The following LMX1B variants were observed in gnomAD, a reference collection of about 807,000 sequenced individuals.
LMX1B encodes LIM homeobox transcription factor 1 beta, also known as LIM homeobox transcription factor 1-beta.
A neutral mutation model predicts 51.4 loss-of-function variants in LMX1B; 12 were observed. That is an observed-to-expected ratio of 0.23 (90% CI 0.15 to 0.38). LMX1B has a LOEUF of 0.38. LMX1B is among the 10% of genes least tolerant of loss of function. The probability of loss-of-function intolerance (pLI) is 1.00; values close to 1 mark genes in which losing one functional copy is unlikely to be tolerated. For missense variants in LMX1B, 445 were observed against 571.1 expected (o/e 0.78, Z 2.25); for synonymous variants, 237 against 235.4 (o/e 1.01, Z -0.06).
At chr9:126,665,217 T>TG (rs1836319382) in intron 2 of LMX1B, among the ~76,000 whole-genome samples, 1 of 152,090 alleles carries the variant, frequency 6.6e-6, no homozygotes, top group Admixed American at 6.5e-5. Flanking sequence ...GCTGAGCCGG[T>TG]CCCCCTCCTC....
chr9:126,688,091 G>A (rs2029976599), intron 2 of LMX1B, among the ~76,000 whole-genome samples: 1 of 152,232 alleles, frequency 6.6e-6, no homozygotes, highest in African/African-American at 2.4e-5. Flanking sequence ...AGTGCGCGCA[G>A]TTTGTTTTAT....
chr9:126,693,676 C>T, intron 5 of LMX1B, 70 bp from the exon 6 acceptor site: 6 of 1,598,168 alleles, frequency 3.8e-6, no homozygotes, highest in Non-Finnish European at 5.1e-6. Context: ...GACTACGGTC[C>T]AGGGGGCGTG....
chr9:126,680,053 A>T (rs995880356), intron 2 of LMX1B, among the ~76,000 whole-genome samples: 1 of 152,190 alleles, frequency 6.6e-6, no homozygotes, highest in Non-Finnish European at 1.5e-5. Context: ...CCGGAGAGAA[A>T]TCCAAAGGCC....
intron 2 of LMX1B, among the ~76,000 whole-genome samples, chr9:126,627,013 G>A (rs1485192022): frequency 6.6e-6 from 1 of 152,228 alleles, no homozygotes; most frequent in Non-Finnish European, 1.5e-5. Flanking sequence ...GCATTGATAA[G>A]GGTCTGGACG....
intron 2 of LMX1B, among the ~76,000 whole-genome samples, chr9:126,660,407 G>A (rs183822991): frequency 6.6e-6 from 1 of 152,266 alleles, no homozygotes; most frequent in Non-Finnish European, 1.5e-5. Flanking sequence ...GCTTGGAGCT[G>A]CCCAAGAAGT....
intron 2 of LMX1B, among the ~76,000 whole-genome samples, chr9:126,637,979 G>A (rs187032718): frequency 2.4e-4 from 36 of 152,156 alleles, no homozygotes; most frequent in African/African-American, 5.5e-4. Flanking sequence ...CCGAGAGGAC[G>A]CACAATCCCC....
intron 2 of LMX1B, among the ~76,000 whole-genome samples, chr9:126,656,625 G>A (rs140980782): frequency 6.6e-6 from 1 of 152,328 alleles, no homozygotes; most frequent in Non-Finnish European, 1.5e-5. Flanking sequence ...GGGCAGTGGT[G>A]TGTTCCTCCT....
Position 126,615,693 on chromosome 9 carries a change from A to C in LMX1B, c.326+124A>C. 1.2e-6 allele frequency: 1 copy of C among 861,240 alleles called. No individual in the cohort carries two copies. Among genetic ancestry groups the C allele is most frequent in the Non-Finnish European group, 1.7e-6 (1 of 597,292 alleles). 53.3% of individuals were successfully genotyped at this position (861,240 alleles called of 1,614,324 possible). A position where few individuals can be genotyped will look rare whatever the true frequency, so the allele number is the denominator to read the frequency against. Reference sequence around the variant, plus strand: ...GTGCGCGGCTGGGCCGGGCAGCTCCAAGGGTTCCGAGAGCTGCGCGTCTTG... The same window carrying C: ...GTGCGCGGCTGGGCCGGGCAGCTCCCAGGGTTCCGAGAGCTGCGCGTCTTG... On this transcript the variant is annotated intron_variant, in intron 2 of 7. Transcript: ENST00000373474. This position sits in a 1 kb window ranked among gnomAD's most constrained non-coding sequence, Gnocchi z 6.0.
intron 2 of LMX1B, among the ~76,000 whole-genome samples, chr9:126,688,714 G>T (rs964498722): frequency 1.3e-5 from 2 of 152,218 alleles, no homozygotes; most frequent in Non-Finnish European, 2.9e-5. Flanking sequence ...CCAAATTAGA[G>T]CCAAAATCCA....
chr9:126,679,475 G>C (rs10987404), intron 2 of LMX1B, among the ~76,000 whole-genome samples: 34,915 of 151,334 alleles, frequency 0.23, 4,962 homozygotes, highest in Middle Eastern at 0.38. Flanking sequence ...GTGGATGTTT[G>C]TATGGGTGGA....
Position 126,695,798 on chromosome 9 carries a change from C to T in LMX1B, c.887-41C>T, listed in dbSNP as rs1216632291. 9 of 1,607,256 alleles carry T rather than the reference C, an allele frequency of 5.6e-6. No homozygotes were observed. Among genetic ancestry groups the T allele is most frequent in the African/African-American group, 1.3e-5 (1 of 74,700 alleles). On this transcript the variant is annotated intron_variant, in intron 6 of 7. Transcript: ENST00000373474. The surrounding 1 kb of genome is among the most constrained non-coding windows in gnomAD (Gnocchi z 5.2). ...GGCTGCTGGGGTGTAGCTGGGAGGG[C>T]GTGGACCAGGCCAGGGGGTGAAGGC... is the stretch of plus-strand genomic sequence containing the variant.
chr9:126,643,384 T>G (rs867394072), intron 2 of LMX1B, among the ~76,000 whole-genome samples: 153 of 152,238 alleles, frequency 1.0e-3, no homozygotes, highest in African/African-American at 3.6e-3. Context: ...CAGTGGGTCA[T>G]GCAGACTCGG....
chr9:126,650,802 G>C (rs113588605), intron 2 of LMX1B, among the ~76,000 whole-genome samples: 4 of 152,326 alleles, frequency 2.6e-5, no homozygotes, highest in African/African-American at 9.6e-5. Flanking sequence ...GGCGGCCCTC[G>C]GCAGGCAGGG....
In LMX1B at chr9:126,614,558, C is replaced by A. The variant is rs1012810702; in HGVS notation, c.109C>A (p.Pro37Thr). ...CAAGATGGAGGAGCACGCCCTGCGC[C>A]CCGGGCCCGCCACTCTGGGGGTGCT... ...GIKMEEHALRPGPATLGVLLG... is the reference protein window; with the variant it reads ...GIKMEEHALRTGPATLGVLLG... The change falls in exon 1 of 8, where the codon CCC becomes ACC. Residue 37 changes from proline to threonine, a missense_variant. Physicochemically the swap from Pro to Thr is conservative, Grantham distance 38. Transcript: ENST00000373474. 2 of 1,568,070 alleles carry A rather than the reference C, an allele frequency of 1.3e-6. No individual in the cohort carries two copies. Among genetic ancestry groups the A allele is most frequent in the Non-Finnish European group, 8.6e-7 (1 of 1,159,078 alleles).
At chr9:126,648,889 C>T (rs1379502267) in intron 2 of LMX1B, among the ~76,000 whole-genome samples, 1 of 152,156 alleles carries the variant, frequency 6.6e-6, no homozygotes, top group Non-Finnish European at 1.5e-5. Context: ...TGGTCAACTC[C>T]CAGAGGCAGA....
intron 2 of LMX1B, among the ~76,000 whole-genome samples, chr9:126,653,589 C>T (rs1351642287): frequency 6.6e-6 from 1 of 152,196 alleles, no homozygotes; most frequent in African/African-American, 2.4e-5. Flanking sequence ...ACAGCTAGGA[C>T]GTCCACGTCA....
intron 2 of LMX1B, among the ~76,000 whole-genome samples, chr9:126,681,849 C>G (rs1203850185): frequency 6.6e-6 from 1 of 151,330 alleles, no homozygotes; most frequent in African/African-American, 2.4e-5. Context: ...TGCAGTGAGC[C>G]AAGATCACGC....
chr9:126,693,626 C>T (rs1026491351), intron 5 of LMX1B, 25 bp downstream of exon 5: 2 of 1,613,364 alleles, frequency 1.2e-6, no homozygotes, highest in African/African-American at 1.3e-5. Flanking sequence ...CCCATCCCCA[C>T]TGGCCCCGGG....
rs1175806527 is a variant in LMX1B, at chr9:126,673,939, G to T, written c.327-16897G>T. On this transcript the variant is annotated intron_variant, in intron 2 of 7. Transcript: ENST00000373474. This position sits in a 1 kb window ranked among gnomAD's most constrained non-coding sequence, Gnocchi z 4.4. Reference sequence around the variant, plus strand: ...CCAGGTACACAGGCCTGTTTGGACAGCTGCCTTGTCTGTCCGTCTGTTTGG... The same window carrying T: ...CCAGGTACACAGGCCTGTTTGGACATCTGCCTTGTCTGTCCGTCTGTTTGG... 4.6e-5 allele frequency among the ~76,000 whole-genome samples: 7 copies of T among 152,214 alleles called. No individual in the cohort carries two copies. Among genetic ancestry groups the T allele is most frequent in the Non-Finnish European group, 1.0e-4 (7 of 68,034 alleles).
Sources: gnomAD v4.1 joint callset for allele counts (sites outside exome capture counted in the v4.1 genomes callset) on GRCh38, gnomAD v4.1.1 for gene constraint, Gnocchi (gnomAD v3.1) non-coding constraint, MANE v1.5 for transcripts, NCBI Gene and HGNC (gene_info 2026-07-23, HGNC 2026-07-21) for gene names.